CAPZB: variants seen among roughly 807,000 people sequenced by gnomAD.
CAPZB encodes capping actin protein of muscle Z-line subunit beta.
In CAPZB, 2 loss-of-function variants were observed where a neutral mutation model predicts 38.1. The observed-to-expected ratio is 0.05, with a 90% CI of 0.02 to 0.17. The LOEUF is 0.17. Ranked by LOEUF, CAPZB falls within the 10% of genes least tolerant of loss-of-function variation. The pLI, the probability that CAPZB is intolerant of heterozygous loss-of-function variation, is 1.00. For synonymous variants in CAPZB, 107 were observed against 127.4 expected, an observed-to-expected ratio of 0.84 and a Z score of 1.08; for missense variants, 161 against 334.2, an observed-to-expected ratio of 0.48 and a Z score of 4.04.
intron 1 of CAPZB, among the ~76,000 whole-genome samples, chr1:19,430,733 C>T (rs1301167312): frequency 1.3e-5 from 2 of 152,172 alleles, no homozygotes; most frequent in East Asian, 1.9e-4. Context: ...CACCTGCACC[C>T]GCACCTCAGA....
chr1:19,386,654 C>G (rs1212441649), intron 2 of CAPZB, among the ~76,000 whole-genome samples: 1 of 152,242 alleles, frequency 6.6e-6, no homozygotes, highest in African/African-American at 2.4e-5. Flanking sequence ...ATCCAAGAGA[C>G]AGGCAGGGAC....
intron 1 of CAPZB, among the ~76,000 whole-genome samples, chr1:19,460,607 G>GTTTTTTTTTTTT (rs1570334665): frequency 1.2e-5 from 1 of 82,028 alleles, no homozygotes; most frequent in Non-Finnish European, 2.4e-5. Context: ...TGTATTTTTG[G>GTTTTTTTTTTTT]TGGAGATGTT....
intron 4 of CAPZB, among the ~76,000 whole-genome samples, chr1:19,358,554 C>A (rs562398906): frequency 5.3e-5 from 8 of 152,376 alleles, no homozygotes; most frequent in East Asian, 1.9e-4. Flanking sequence ...CCAAACCCAA[C>A]AGACCCAGGT....
At chr1:19,427,416 C>A (rs975424638) in intron 1 of CAPZB, among the ~76,000 whole-genome samples, 1 of 152,234 alleles carries the variant, frequency 6.6e-6, no homozygotes, top group Non-Finnish European at 1.5e-5. Flanking sequence ...ACTCTGCTGG[C>A]GCCCAGAATG....
chr1:19,388,265 T>C (rs1319372321), intron 2 of CAPZB, among the ~76,000 whole-genome samples: 1 of 152,206 alleles, frequency 6.6e-6, no homozygotes, highest in Admixed American at 6.5e-5. Flanking sequence ...CAGTTATCTG[T>C]ATCCCTCACT....
At chr1:19,446,558 T>TAAC (rs1558269026) in intron 1 of CAPZB, among the ~76,000 whole-genome samples, 1 of 152,094 alleles carries the variant, frequency 6.6e-6, no homozygotes, top group Non-Finnish European at 1.5e-5. Context: ...CTCCTAGGAA[T>TAAC]CTACCCTAAT....
intron 4 of CAPZB, among the ~76,000 whole-genome samples, chr1:19,376,368 G>A (rs1278092173): frequency 6.6e-6 from 1 of 152,202 alleles, no homozygotes; most frequent in Non-Finnish European, 1.5e-5. Flanking sequence ...TATTCCTGGA[G>A]TATCCTGAGA....
intron 1 of CAPZB, among the ~76,000 whole-genome samples, chr1:19,441,475 G>C (rs1023235583): frequency 4.6e-5 from 7 of 152,180 alleles, no homozygotes; most frequent in African/African-American, 1.7e-4. Context: ...CCTCAGGGGA[G>C]TGAGGTATAG....
At chr1:19,379,112 T>TTTG (rs35704965) in intron 3 of CAPZB, among the ~76,000 whole-genome samples, 3,229 of 147,436 alleles carry the variant, frequency 0.022, 126 homozygotes, top group African/African-American at 0.073. Context: ...TTTTTTTTTT[T>TTTG]TTTTAAGACA....
At chr1:19,378,828 G>T (rs959739403) in intron 3 of CAPZB, among the ~76,000 whole-genome samples, 175 bp from the exon 4 acceptor site, 3 of 152,208 alleles carry the variant, frequency 2.0e-5, no homozygotes, top group South Asian at 2.1e-4. Flanking sequence ...TGGAGAACAA[G>T]GGCTCTGATG....
intron 1 of CAPZB, among the ~76,000 whole-genome samples, chr1:19,472,704 T>A (rs1336684019): frequency 6.9e-6 from 1 of 144,728 alleles, no homozygotes; most frequent in Non-Finnish European, 1.5e-5. Context: ...GCGCTTTCAT[T>A]CTTCATTTTT....
intron 2 of CAPZB, among the ~76,000 whole-genome samples, chr1:19,388,832 T>C (rs1052274625): frequency 6.6e-6 from 1 of 152,224 alleles, no homozygotes; most frequent in African/African-American, 2.4e-5. Context: ...TGAAGATCTG[T>C]GATGGGACTT....
chr1:19,362,703 C>T, intron 4 of CAPZB, among the ~76,000 whole-genome samples: 1 of 152,006 alleles, frequency 6.6e-6, no homozygotes, highest in Admixed American at 6.6e-5. Context: ...AATGCATGAG[C>T]TTTTCCTAGG....
At chr1:19,397,412 A>G (rs938534102) in intron 2 of CAPZB, among the ~76,000 whole-genome samples, 1 of 152,212 alleles carries the variant, frequency 6.6e-6, no homozygotes, top group African/African-American at 2.4e-5. Context: ...CAGGTAGGTT[A>G]AGCAACTTGG....
At chr1:19,368,342 C>T (rs546787094) in intron 4 of CAPZB, among the ~76,000 whole-genome samples, 5 of 152,204 alleles carry the variant, frequency 3.3e-5, no homozygotes, top group African/African-American at 9.6e-5. Flanking sequence ...CACACAGCTG[C>T]CCCAAAGAGG....
At chr1:19,439,285 A>G (rs985778970) in intron 1 of CAPZB, among the ~76,000 whole-genome samples, 1 of 152,246 alleles carries the variant, frequency 6.6e-6, no homozygotes, top group Non-Finnish European at 1.5e-5. Context: ...TTTTAAAACC[A>G]TCTTAGACAA....
chr1:19,450,992 T>C (rs1257995555), intron 1 of CAPZB, among the ~76,000 whole-genome samples: 2 of 152,212 alleles, frequency 1.3e-5, no homozygotes, highest in South Asian at 2.1e-4. Context: ...CATTCCTGCA[T>C]GCAAGGACTG....
chr1:19,379,058 C>T (rs571929329), intron 3 of CAPZB, among the ~76,000 whole-genome samples: 4 of 151,864 alleles, frequency 2.6e-5, no homozygotes, highest in Admixed American at 2.0e-4. Context: ...CTTTCTTACC[C>T]GCTTTCTCAG....
At chr1:19,367,930 G>A (rs952515219) in intron 4 of CAPZB, among the ~76,000 whole-genome samples, 5 of 152,102 alleles carry the variant, frequency 3.3e-5, no homozygotes, top group Non-Finnish European at 4.4e-5. Context: ...GCACCACTGC[G>A]ACTGTCTTCT....
Sources: allele counts gnomAD v4.1 joint callset (sites outside exome capture counted in the v4.1 genomes callset), GRCh38; gene constraint gnomAD v4.1.1; transcripts MANE v1.5; gene names NCBI Gene and HGNC (gene_info 2026-07-23, HGNC 2026-07-21).